PPP6R3: variants seen among roughly 807,000 people sequenced by gnomAD.
PPP6R3 encodes the protein protein phosphatase 6 regulatory subunit 3.
Under a neutral mutation model 110.7 loss-of-function variants are expected in PPP6R3, and 38 were observed. The ratio of observed to expected loss-of-function variants is 0.34; its 90% CI spans 0.26 to 0.45. The LOEUF (loss-of-function observed/expected upper bound fraction) is 0.45, where lower values mean the gene tolerates loss of function less well. PPP6R3 is among the 20% of genes least tolerant of loss of function. The probability of loss-of-function intolerance (pLI) is 1.00; values close to 1 mark genes in which losing one functional copy is unlikely to be tolerated. For synonymous variants in PPP6R3, 369 were observed against 373.5 expected (o/e 0.99, Z 0.14); for missense variants, 870 against 1,062.4 (o/e 0.82, Z 2.52).
chr11:68,493,605 A>C (rs886102903), intron 1 of PPP6R3, among the ~76,000 whole-genome samples: 12 of 126,594 alleles, frequency 9.5e-5, no homozygotes, highest in African/African-American at 2.0e-4. Context: ...GGTAAAAAAA[A>C]AAAACAAAAC....
chr11:68,496,571 C>T (rs1298723484), intron 1 of PPP6R3, among the ~76,000 whole-genome samples: 1 of 151,958 alleles, frequency 6.6e-6, no homozygotes, highest in Non-Finnish European at 1.5e-5. Context: ...CACCTGGGTT[C>T]AAGCAATTCT....
intron 11 of PPP6R3, 57 bp downstream of exon 11, chr11:68,569,954 A>T: frequency 6.7e-7 from 1 of 1,498,284 alleles, no homozygotes; most frequent in South Asian, 1.3e-5. Context: ...GCAGTTTTCC[A>T]CTTGACTGTG....
chr11:68,476,592 C>G (rs1201235074), intron 1 of PPP6R3, among the ~76,000 whole-genome samples: 1 of 152,100 alleles, frequency 6.6e-6, no homozygotes, highest in Non-Finnish European at 1.5e-5. Flanking sequence ...CTTTTAAGCA[C>G]CACTTTAGCT....
At chr11:68,490,626 TG>T in intron 1 of PPP6R3, among the ~76,000 whole-genome samples, 1 of 152,018 alleles carries the variant, frequency 6.6e-6, no homozygotes, top group Non-Finnish European at 1.5e-5. Context: ...GGATATTTTC[TG>T]TTTTTTTTTT....
intron 1 of PPP6R3, among the ~76,000 whole-genome samples, chr11:68,474,203 C>G (rs531782832): frequency 9.2e-5 from 14 of 152,092 alleles, no homozygotes; most frequent in Non-Finnish European, 1.5e-4. Context: ...CACCACCATG[C>G]CTGGCTAATT....
At position 68,614,410 on chromosome 11, in the gene PPP6R3, A is replaced by G; in HGVS notation, c.*1293A>G. ...TTCACCTCTTGCACTTTTAGATGCA[A>G]ATCAGTTTTTCATTTCTGTAATAGA... is the stretch of plus-strand genomic sequence containing the variant. On this transcript the variant is annotated 3_prime_UTR_variant, in exon 24 of 24. Coordinates refer to ENST00000393800, the MANE Select transcript of PPP6R3 (RefSeq NM_001164161.2). The G allele has an allele frequency of 7.7e-7, 1 of 1,296,218 alleles. No individual in the cohort carries two copies. The highest frequency in any genetic ancestry group is 9.8e-7 in the Non-Finnish European group (1 of 1,023,434). 80.3% of individuals were successfully genotyped at this position (1,296,218 alleles called of 1,614,324 possible). A position where few individuals can be genotyped will look rare whatever the true frequency, so the allele number is the denominator to read the frequency against.
At chr11:68,544,432 G>C (rs1160505010) in intron 3 of PPP6R3, among the ~76,000 whole-genome samples, 2 of 152,198 alleles carry the variant, frequency 1.3e-5, no homozygotes, top group Non-Finnish European at 2.9e-5. Context: ...GCAGTTTCCT[G>C]GAAACCAGTG....
chr11:68,516,347 A>G (rs995619822), intron 1 of PPP6R3, among the ~76,000 whole-genome samples: 2 of 152,218 alleles, frequency 1.3e-5, no homozygotes, highest in East Asian at 1.9e-4. Flanking sequence ...TGCAGTCACA[A>G]TATGGACACA....
chr11:68,486,603 T>TAA (rs61408861), intron 1 of PPP6R3, among the ~76,000 whole-genome samples: 1,212 of 111,632 alleles, frequency 0.011, 12 homozygotes, highest in African/African-American at 0.024. Flanking sequence ...GACTCTGTCT[T>TAA]AAAAAAAAAA....
chr11:68,528,521 T>C (rs2099215240), intron 2 of PPP6R3, among the ~76,000 whole-genome samples: 1 of 152,134 alleles, frequency 6.6e-6, no homozygotes, highest in Non-Finnish European at 1.5e-5. Flanking sequence ...TTTTGTGGTC[T>C]TTTTCCTTAG....
Position 68,600,512 on chromosome 11 carries a change from G to T in PPP6R3, c.2192+18G>T. 2 of 1,610,436 alleles carry T rather than the reference G, an allele frequency of 1.2e-6. No homozygotes were observed. Among genetic ancestry groups the T allele is most frequent in the South Asian group, 1.1e-5 (1 of 90,794 alleles). On this transcript the variant is annotated intron_variant, in intron 20 of 23. Transcript: ENST00000393800. ...TCCCTGAGGTGAGCGAACATGTGCT[G>T]TCTCTACACCCTTCCACGGGGGACC... is the stretch of plus-strand genomic sequence containing the variant.
intron 2 of PPP6R3, among the ~76,000 whole-genome samples, chr11:68,525,096 G>A (rs2099189542): frequency 6.6e-6 from 1 of 152,156 alleles, no homozygotes; most frequent in Admixed American, 6.5e-5. Flanking sequence ...GTCAGACCTG[G>A]GTTTGTGTCC....
chr11:68,585,755 C>A (rs2099576274), intron 15 of PPP6R3, among the ~76,000 whole-genome samples: 1 of 152,116 alleles, frequency 6.6e-6, no homozygotes, highest in African/African-American at 2.4e-5. Flanking sequence ...ATGGAAGTTA[C>A]TAGTGTCTGT....
rs1464488151 is a variant in PPP6R3, at chr11:68,537,795, T to TATA, written c.131_132insATA (p.Leu44_Ile45insTyr). 1 of 1,613,936 alleles carries TATA rather than the reference T, an allele frequency of 6.2e-7. No individual in the cohort carries two copies. Among genetic ancestry groups the TATA allele is most frequent in the African/African-American group, 1.3e-5 (1 of 74,934 alleles). Reference sequence around the variant, plus strand: ...GAATGTAAAGCTCAGAACCGCAAACTTATAGAGTTTCTGTTAAAAGCAGAA... The same window carrying TATA: ...GAATGTAAAGCTCAGAACCGCAAACTATATATAGAGTTTCTGTTAAAAGCAGAA... On this transcript the variant is annotated inframe_insertion, in exon 3 of 24. Coordinates refer to ENST00000393800, the MANE Select transcript of PPP6R3 (RefSeq NM_001164161.2).
intron 14 of PPP6R3, 132 bp downstream of exon 14, chr11:68,576,175 A>G: frequency 1.6e-6 from 1 of 629,198 alleles, no homozygotes; most frequent in Non-Finnish European, 2.7e-6. Flanking sequence ...TCTCTTTACC[A>G]GGGAGAGAGG....
chr11:68,492,486 G>A (rs1439065617), intron 1 of PPP6R3, among the ~76,000 whole-genome samples: 2 of 152,158 alleles, frequency 1.3e-5, no homozygotes, highest in Non-Finnish European at 2.9e-5. Context: ...TTCATTTTAT[G>A]TATATACAAC....
intron 2 of PPP6R3, among the ~76,000 whole-genome samples, chr11:68,528,679 C>G (rs990780428): frequency 2.0e-5 from 3 of 152,198 alleles, no homozygotes; most frequent in Non-Finnish European, 2.9e-5. Context: ...TAAGAGATAA[C>G]TTCCGTGGGA....
In PPP6R3 at chr11:68,508,052, A is replaced by C. The variant is rs1353907922; in HGVS notation, c.-157-11449A>C. 5.6e-5 allele frequency among the ~76,000 whole-genome samples: 8 copies of C among 142,128 alleles called. No homozygotes were observed. In the South Asian group the frequency reaches 8.7e-4, roughly 15 times the overall value. The allele number at this position is 142,128 out of a possible 152,430, so 93.2% of individuals were successfully genotyped here. On this transcript the variant is annotated intron_variant, in intron 1 of 23. Coordinates refer to ENST00000393800, the MANE Select transcript of PPP6R3 (RefSeq NM_001164161.2). ...AACACCTCATGTGTAAAAAAAAAAA[A>C]ATTTATATGAGAGGATAGGGAGCAG...
At chr11:68,575,367 A>G (rs983543356) in intron 13 of PPP6R3, among the ~76,000 whole-genome samples, 5 of 152,234 alleles carry the variant, frequency 3.3e-5, no homozygotes, top group Non-Finnish European at 5.9e-5. Context: ...TCTAGAAGGT[A>G]GAATTTCACT....
Sources: gnomAD v4.1 joint callset for allele counts (sites outside exome capture counted in the v4.1 genomes callset) on GRCh38, gnomAD v4.1.1 for gene constraint, MANE v1.5 for transcripts, NCBI Gene and HGNC (gene_info 2026-07-23, HGNC 2026-07-21) for gene names.